ACVR1: variants seen among roughly 807,000 people sequenced by gnomAD.
ACVR1 encodes activin A receptor type 1.
Under a neutral mutation model 57.1 loss-of-function variants are expected in ACVR1, and 38 were observed. The ratio of observed to expected loss-of-function variants is 0.67; its 90% CI spans 0.51 to 0.87. ACVR1 has a LOEUF of 0.87. Ranked by LOEUF, ACVR1 falls within the 40% of genes least tolerant of loss-of-function variation. The pLI is 0.00. For missense variants in ACVR1, 463 were observed against 638.2 expected (o/e 0.73, Z 2.96); for synonymous variants, 212 against 228.1 (o/e 0.93, Z 0.63).
intron 3 of ACVR1, among the ~76,000 whole-genome samples, chr2:157,794,964 G>A (rs375681050): frequency 6.0e-5 from 9 of 149,898 alleles, no homozygotes; most frequent in East Asian, 1.9e-4. Context: ...TAGACATTTC[G>A]GAGACAAAGG....
In ACVR1 at chr2:157,799,520, G is replaced by A; in HGVS notation, c.-7-20C>T. ...GTACAACTGTAAAGGGAAAAGAAGA[G>A]ATGTAAGTAAAGCATAAATATCTAA... On this transcript the variant is annotated intron_variant, in intron 2 of 10. Coordinates refer to ENST00000434821, the MANE Select transcript of ACVR1 (RefSeq NM_001111067.4). 1 of 1,579,594 alleles carries A rather than the reference G, an allele frequency of 6.3e-7. No homozygotes were observed.
intron 1 of ACVR1, among the ~76,000 whole-genome samples, chr2:157,835,019 G>A (rs1050926093): frequency 2.0e-5 from 3 of 152,220 alleles, no homozygotes; most frequent in South Asian, 2.1e-4. Context: ...AATAAACGTC[G>A]GGTCTTTATA....
chr2:157,749,785 G>T (rs1327780183), intron 9 of ACVR1, among the ~76,000 whole-genome samples: 1 of 152,284 alleles, frequency 6.6e-6, no homozygotes, highest in African/African-American at 2.4e-5. Flanking sequence ...AAAGGCTTCC[G>T]CCACCAAGAG....
intron 1 of ACVR1, among the ~76,000 whole-genome samples, chr2:157,829,682 T>C (rs77593624): frequency 0.017 from 2,636 of 152,292 alleles, 80 homozygotes; most frequent in African/African-American, 0.06. Context: ...ATGTCTTTTT[T>C]CATCTGGCAA....
intron 3 of ACVR1, among the ~76,000 whole-genome samples, chr2:157,798,002 T>G (rs1185664269): frequency 6.6e-6 from 1 of 152,176 alleles, no homozygotes; most frequent in African/African-American, 2.4e-5. Flanking sequence ...ACCTTGAACT[T>G]AGACTTCCCA....
At chr2:157,823,078 C>T (rs951367764) in intron 1 of ACVR1, among the ~76,000 whole-genome samples, 1 of 152,310 alleles carries the variant, frequency 6.6e-6, no homozygotes, top group African/African-American at 2.4e-5. Context: ...GCCACAAAGA[C>T]ACATTTCTAA....
chr2:157,743,341 T>G (rs547873003), intron 9 of ACVR1, among the ~76,000 whole-genome samples: 5 of 152,294 alleles, frequency 3.3e-5, no homozygotes, highest in African/African-American at 1.2e-4. Flanking sequence ...GTCACTTTCC[T>G]GTATACCTCA....
At chr2:157,816,918 T>A (rs1431796359) in intron 2 of ACVR1, among the ~76,000 whole-genome samples, 1 of 152,056 alleles carries the variant, frequency 6.6e-6, no homozygotes, top group African/African-American at 2.4e-5. Flanking sequence ...ATTACCCCCA[T>A]AACTTATCAT....
chr2:157,805,813 CTTTTTTCTTTTTTTTTTTTTTTT>C lies in ACVR1; in HGVS notation c.-7-6336_-7-6314del. On this transcript the variant is annotated intron_variant, in intron 2 of 10. Transcript: ENST00000434821. ...GTTTGTTTGTTTGGGTTTTTTTTTT[CTTTTTTCTTTTTTTTTTTTTTTT>C]TTTTTGAGACGAGGTCTTGCTCTGT... 3.1e-5 allele frequency among the ~76,000 whole-genome samples: 3 copies of C among 96,886 alleles called. No homozygotes were observed. The Admixed American group carries it at 3.8e-4, about 12-fold the overall frequency. 63.6% of individuals were successfully genotyped at this position (96,886 alleles called of 152,430 possible). A position where few individuals can be genotyped will look rare whatever the true frequency, so the allele number is the denominator to read the frequency against.
At chr2:157,780,282 C>T (rs560782045) in intron 4 of ACVR1, 55 bp downstream of exon 4, 8 of 1,612,530 alleles carry the variant, frequency 5.0e-6, no homozygotes, top group East Asian at 4.5e-5. Flanking sequence ...CCACACGGAC[C>T]CAGGACAACA....
At chr2:157,836,896 G>C (rs953015211) in intron 1 of ACVR1, among the ~76,000 whole-genome samples, 13 of 152,150 alleles carry the variant, frequency 8.5e-5, no homozygotes, top group Admixed American at 5.2e-4. Context: ...CTCCTCTTCT[G>C]GATATCTACT....
At chr2:157,737,823 A>C (rs1297987185) in intron 10 of ACVR1, among the ~76,000 whole-genome samples, 158 bp from the exon 11 acceptor site, 2 of 152,164 alleles carry the variant, frequency 1.3e-5, no homozygotes, top group Admixed American at 1.3e-4. Flanking sequence ...TTCAACCTTT[A>C]ACCACTGATA....
intron 7 of ACVR1, among the ~76,000 whole-genome samples, chr2:157,767,606 A>G (rs945864984): frequency 6.6e-6 from 1 of 152,238 alleles, no homozygotes; most frequent in Non-Finnish European, 1.5e-5. Flanking sequence ...AAGAGAAAAT[A>G]CATTAAAATG....
At chr2:157,826,908 AAAGGAAGG>A (rs148640468) in intron 1 of ACVR1, among the ~76,000 whole-genome samples, 2 of 148,826 alleles carry the variant, frequency 1.3e-5, no homozygotes, top group African/African-American at 4.9e-5. Flanking sequence ...GTAGGAAAAG[AAAGGAAGG>A]AAGGAAGGGA....
At chr2:157,780,204 T>C (rs1686451188) in intron 4 of ACVR1, 133 bp downstream of exon 4, 2 of 1,322,420 alleles carry the variant, frequency 1.5e-6, no homozygotes, top group Non-Finnish European at 2.1e-6. Context: ...AGGGTGACCT[T>C]CCTTGTAGCT....
chr2:157,818,001 C>CAA lies in ACVR1; in HGVS notation c.-8+382_-8+383dup, dbSNP rs67822299. 3.9e-3 allele frequency among the ~76,000 whole-genome samples: 488 copies of CAA among 124,838 alleles called. 8 individuals are homozygous for CAA. Among genetic ancestry groups the CAA allele is most frequent in the South Asian group, 0.02 (82 of 4,152 alleles). The allele number at this position is 124,838 out of a possible 152,430, so 81.9% of individuals were successfully genotyped here. The stretch of plus-strand genomic sequence containing the variant: ...TAGGTGACAGAACGAGACTCCGTCT[C>CAA]AAAAAAAAAAAAAACAAAAGAAAAG... On this transcript the variant is annotated intron_variant, in intron 2 of 10. Transcript: ENST00000434821.
chr2:157,770,585 T>C (rs1232271432), intron 6 of ACVR1, 71 bp from the exon 7 acceptor site: 3 of 1,526,394 alleles, frequency 2.0e-6, no homozygotes, highest in African/African-American at 1.4e-5. Context: ...TCATTAAGAA[T>C]AATTAATTTA....
intron 1 of ACVR1, among the ~76,000 whole-genome samples, chr2:157,871,883 A>G (rs1172568522): frequency 6.6e-6 from 1 of 152,178 alleles, no homozygotes; most frequent in Non-Finnish European, 1.5e-5. Context: ...TCCCATCTGA[A>G]CCAAAGGCTG....
chr2:157,844,204 G>A (rs1689060770), intron 1 of ACVR1, among the ~76,000 whole-genome samples: 1 of 152,162 alleles, frequency 6.6e-6, no homozygotes, highest in Non-Finnish European at 1.5e-5. Flanking sequence ...TCACAAGAGT[G>A]TCTTCCAGGT....
Sources: allele counts gnomAD v4.1 joint callset (sites outside exome capture counted in the v4.1 genomes callset), GRCh38; gene constraint gnomAD v4.1.1; transcripts MANE v1.5; gene names NCBI Gene and HGNC (gene_info 2026-07-23, HGNC 2026-07-21).